Variants in KCNC1 observed in about 807,000 individuals in gnomAD.
The protein encoded by KCNC1 is potassium voltage-gated channel subfamily C member 1, also known as voltage-gated potassium channel KCNC1.
In KCNC1, 8 loss-of-function variants were observed where a neutral mutation model predicts 43.4. The ratio of observed to expected loss-of-function variants is 0.18; its 90% CI spans 0.11 to 0.33. The LOEUF is 0.33. KCNC1 is among the 10% of genes least tolerant of loss of function. The pLI is 1.00. For synonymous variants in KCNC1, 361 were observed against 360.5 expected, an observed-to-expected ratio of 1.00 and a Z score of -0.01; for missense variants, 420 against 836.0, an observed-to-expected ratio of 0.50 and a Z score of 6.14.
Position 17,739,625 on chromosome 11 carries a change from CTG to C in KCNC1, c.570+3060_570+3061del, listed in dbSNP as rs1439725659. On this transcript the variant is annotated intron_variant, in intron 1 of 3. Transcript: ENST00000265969. This position sits in a 1 kb window ranked among gnomAD's most constrained non-coding sequence, Gnocchi z 4.2. ...TGAGTGTGTCTGCGTGAGTGTGTGG[CTG>C]TGTGTGGCAAGTGTGAAACTGTATA... Among the ~76,000 whole-genome samples, 7 of 146,798 alleles carry C rather than the reference CTG, an allele frequency of 4.8e-5. No individual in the cohort carries two copies. The highest frequency in any genetic ancestry group is 5.1e-5 in the African/African-American group (2 of 39,186).
chr11:17,761,396 G>A (rs920702238), intron 1 of KCNC1, among the ~76,000 whole-genome samples: 2 of 152,244 alleles, frequency 1.3e-5, no homozygotes, highest in Admixed American at 1.3e-4. Context: ...GTGCAGGGCC[G>A]CCTCGGCCAG....
At position 17,781,273 on chromosome 11, in the gene KCNC1, T is replaced by C. The variant is rs1849342377; in HGVS notation, c.1694-397T>C. On this transcript the variant is annotated intron_variant, in intron 3 of 3. Transcript: ENST00000265969. The surrounding 1 kb of genome is among the most constrained non-coding windows in gnomAD (Gnocchi z 5.1). ...AAGCACTGTCCACAGGAGATACCCA[T>C]TCCTCAGTCCCACCGAGGCTTAGGT... 2 of 204,624 alleles carry C rather than the reference T, an allele frequency of 9.8e-6. No homozygotes were observed. The highest frequency in any genetic ancestry group is 2.0e-4 in the South Asian group (2 of 10,112). 12.7% of individuals were successfully genotyped at this position (204,624 alleles called of 1,614,324 possible).
At position 17,773,514 on chromosome 11, in the gene KCNC1, A is replaced by G. The variant is rs1422203147; in HGVS notation, c.1504+916A>G. 12 of 982,446 alleles carry G rather than the reference A, an allele frequency of 1.2e-5. No individual in the cohort carries two copies. In the East Asian group the frequency reaches 1.0e-3, roughly 85 times the overall value. 60.9% of individuals were successfully genotyped at this position (982,446 alleles called of 1,614,324 possible). A position where few individuals can be genotyped will look rare whatever the true frequency, so the allele number is the denominator to read the frequency against. ...TAGGGACTGCAGCAGCAATATAGAC[A>G]TCCCAACCAGTGTACAACCACTTTC... is the stretch of plus-strand genomic sequence containing the variant. On this transcript the variant is annotated intron_variant, in intron 2 of 3. Transcript: ENST00000265969. This position sits in a 1 kb window ranked among gnomAD's most constrained non-coding sequence, Gnocchi z 4.1.
intron 1 of KCNC1, among the ~76,000 whole-genome samples, chr11:17,746,143 T>G (rs1211119134): frequency 6.6e-6 from 1 of 152,172 alleles, no homozygotes; most frequent in Non-Finnish European, 1.5e-5. Flanking sequence ...AGCCTTCCTT[T>G]CTGGCCTCAC....
At position 17,756,606 on chromosome 11, in the gene KCNC1, G is replaced by A. The variant is rs140038511; in HGVS notation, c.571-15059G>A. On this transcript the variant is annotated intron_variant, in intron 1 of 3. Transcript: ENST00000265969. ...CCCCTGACTCGATACAAACACACAA[G>A]TGGGCACAGGAGGGAAATTTCCTAG... Among the ~76,000 whole-genome samples, 57 of 151,674 alleles carry A rather than the reference G, an allele frequency of 3.8e-4. 1 individual carries two copies. The highest frequency in any genetic ancestry group is 1.2e-3 in the Admixed American group (18 of 15,238).
rs1475899669 is a variant in KCNC1, at chr11:17,779,755, G to A, written c.1693+111G>A. On this transcript the variant is annotated intron_variant, in intron 3 of 3. Coordinates refer to ENST00000265969, the MANE Select transcript of KCNC1 (RefSeq NM_001112741.2). The surrounding 1 kb of genome is among the most constrained non-coding windows in gnomAD (Gnocchi z 7.2). The stretch of plus-strand genomic sequence containing the variant: ...GCTGAGGGGCAGGCAGGCACACCGA[G>A]GGGGGCAAGGATGGAGGGAATCTCC... 6 of 867,014 alleles carry A rather than the reference G, an allele frequency of 6.9e-6. No individual in the cohort carries two copies. The highest frequency in any genetic ancestry group is 3.1e-5 in the East Asian group (1 of 32,502). The allele number at this position is 867,014 out of a possible 1,614,324, so 53.7% of individuals were successfully genotyped here.
rs927028134 is a variant in KCNC1 at position 17,739,196 on chromosome 11, G to A, written c.570+2624G>A. On this transcript the variant is annotated intron_variant, in intron 1 of 3. Coordinates refer to ENST00000265969, the MANE Select transcript of KCNC1 (RefSeq NM_001112741.2). This position sits in a 1 kb window ranked among gnomAD's most constrained non-coding sequence, Gnocchi z 4.2. Reference sequence around the variant, plus strand: ...GCCCCGAGACTCCTCACACCAGCGGGTCGGGACTTAAGTCGTTATTCTAGA... The same window carrying A: ...GCCCCGAGACTCCTCACACCAGCGGATCGGGACTTAAGTCGTTATTCTAGA... 6.6e-6 allele frequency among the ~76,000 whole-genome samples: 1 copy of A among 152,188 alleles called. No individual in the cohort carries two copies. Among genetic ancestry groups the A allele is most frequent in the Admixed American group, 6.5e-5 (1 of 15,288 alleles).
chr11:17,737,514 G>T (rs1414532569), intron 1 of KCNC1, among the ~76,000 whole-genome samples: 2 of 152,084 alleles, frequency 1.3e-5, no homozygotes, highest in African/African-American at 2.4e-5. Context: ...GGCCTCTCTG[G>T]ATCAGTTTCC....
chr11:17,778,871 TG>T (rs1444419872), intron 2 of KCNC1, among the ~76,000 whole-genome samples: 9 of 19,728 alleles, frequency 4.6e-4, no homozygotes, highest in Non-Finnish European at 7.1e-4. Context: ...AGTGATTAGA[TG>T]GGGGGTGGGG....
At position 17,741,324 on chromosome 11, in the gene KCNC1, AG is replaced by A. The variant is rs1482806665; in HGVS notation, c.570+4754del. Among the ~76,000 whole-genome samples the A allele has an allele frequency of 7.9e-5, 12 of 151,630 alleles. 1 individual carries two copies. In the East Asian group the frequency reaches 2.3e-3, roughly 30 times the overall value. The stretch of plus-strand genomic sequence containing the variant: ...GAATAAAGTTAGAACCGTCCTCACG[AG>A]GTTGGTGTGAAGATAACTGAGGTAA... On this transcript the variant is annotated intron_variant, in intron 1 of 3. Coordinates refer to ENST00000265969, the MANE Select transcript of KCNC1 (RefSeq NM_001112741.2).
chr11:17,777,756 TA>T lies in KCNC1; in HGVS notation c.1505-1698del. Reference sequence around the variant, plus strand: ...CATCTTGTACGAAAGACTTTTTTTTTAAGTTCCAAAATTATGATGGGATTTT... The same window carrying T: ...CATCTTGTACGAAAGACTTTTTTTTTAGTTCCAAAATTATGATGGGATTTT... On this transcript the variant is annotated intron_variant, in intron 2 of 3. Coordinates refer to ENST00000265969, the MANE Select transcript of KCNC1 (RefSeq NM_001112741.2). This position sits in a 1 kb window ranked among gnomAD's most constrained non-coding sequence, Gnocchi z 4.3. 1.0e-6 allele frequency: 1 copy of T among 986,204 alleles called. No individual in the cohort carries two copies. Among genetic ancestry groups the T allele is most frequent in the Non-Finnish European group, 1.2e-6 (1 of 829,980 alleles). 61.1% of individuals were successfully genotyped at this position (986,204 alleles called of 1,614,324 possible). A position where few individuals can be genotyped will look rare whatever the true frequency, so the allele number is the denominator to read the frequency against.
rs192563894 is a variant in KCNC1 at position 17,762,347 on chromosome 11, C to G, written c.571-9318C>G. Among the ~76,000 whole-genome samples the G allele has an allele frequency of 3.1e-3, 466 of 152,320 alleles. 2 individuals carry two copies. The highest frequency in any genetic ancestry group is 5.4e-3 in the Admixed American group (82 of 15,300). On this transcript the variant is annotated intron_variant, in intron 1 of 3. Transcript: ENST00000265969. ...ATGATCCTAAACCTTTGGAGAGGAC[C>G]AGGGCGGGAGGGTCCACCGGAGCTT... is the stretch of plus-strand genomic sequence containing the variant.
chr11:17,743,548 C>G (rs367767264), intron 1 of KCNC1, among the ~76,000 whole-genome samples: 43 of 152,352 alleles, frequency 2.8e-4, no homozygotes, highest in African/African-American at 9.9e-4. Flanking sequence ...TCCCCCCACT[C>G]CCATCCATGC....
In KCNC1 at chr11:17,764,137, C is replaced by A. The variant is rs144148748; in HGVS notation, c.571-7528C>A. Among the ~76,000 whole-genome samples, 1,154 of 140,958 alleles carry A rather than the reference C, an allele frequency of 8.2e-3. 7 individuals are homozygous for A. Among genetic ancestry groups the A allele is most frequent in the African/African-American group, 0.014 (553 of 38,182 alleles). 92.5% of individuals were successfully genotyped at this position (140,958 alleles called of 152,430 possible). A position where few individuals can be genotyped will look rare whatever the true frequency, so the allele number is the denominator to read the frequency against. On this transcript the variant is annotated intron_variant, in intron 1 of 3. Transcript: ENST00000265969. ...CACGTCTCCATAGACACACACACACCCCCCCACAAACCACATATAGCCCTA... is the reference window on the plus strand; with the variant it reads ...CACGTCTCCATAGACACACACACACACCCCCACAAACCACATATAGCCCTA...
intron 1 of KCNC1, among the ~76,000 whole-genome samples, chr11:17,770,742 G>C (rs1849216576): frequency 6.6e-6 from 1 of 152,154 alleles, no homozygotes; most frequent in African/African-American, 2.4e-5. Context: ...CATTGGTGCT[G>C]TCTGAGAGAG....
intron 2 of KCNC1, chr11:17,774,104 G>T: frequency 1.0e-6 from 1 of 985,538 alleles, no homozygotes; most frequent in Non-Finnish European, 1.2e-6. Flanking sequence ...GGGGTTTCCC[G>T]GTCCTTTCAC....
At chr11:17,775,863 G>C in intron 2 of KCNC1, 1 of 985,528 alleles carries the variant, frequency 1.0e-6, no homozygotes, top group Non-Finnish European at 1.2e-6. Flanking sequence ...GGCTCCCTGG[G>C]AGCTAACCTT....
At chr11:17,754,905 C>T (rs1849007145) in intron 1 of KCNC1, among the ~76,000 whole-genome samples, 1 of 152,206 alleles carries the variant, frequency 6.6e-6, no homozygotes, top group South Asian at 2.1e-4. Context: ...CTTAACCACT[C>T]TAAACCTCAA....
chr11:17,736,074 G>C lies in KCNC1; in HGVS notation c.72G>C (p.Ser24=). Residue 24 remains serine (S), a synonymous_variant, in exon 1 of 4, where the codon TCG becomes TCC. Transcript: ENST00000265969. The surrounding 1 kb of genome is among the most constrained non-coding windows in gnomAD (Gnocchi z 9.3). ...VGGTRHQTYR[S]TLRTLPGTRL... ...GCACGCGCCACCAGACGTACCGCTC[G>C]ACCCTGCGCACGCTGCCCGGCACGC... 1.2e-6 allele frequency: 2 copies of C among 1,601,312 alleles called. No individual in the cohort carries two copies. Among genetic ancestry groups the C allele is most frequent in the Non-Finnish European group, 1.7e-6 (2 of 1,174,126 alleles).
Sources: allele counts gnomAD v4.1 joint callset (sites outside exome capture counted in the v4.1 genomes callset), GRCh38; gene constraint gnomAD v4.1.1; non-coding constraint Gnocchi (gnomAD v3.1); transcripts MANE v1.5; gene names NCBI Gene and HGNC (gene_info 2026-07-23, HGNC 2026-07-21).